The following ERGIC2 variants were observed in gnomAD, a reference collection of about 807,000 sequenced individuals.
The protein encoded by ERGIC2 is endoplasmic reticulum-Golgi intermediate compartment protein 2.
A neutral mutation model predicts 52.5 loss-of-function variants in ERGIC2; 31 were observed. The observed-to-expected ratio is 0.59, with a 90% CI of 0.44 to 0.80. The LOEUF is 0.80. Ranked by LOEUF, ERGIC2 falls within the 30% of genes least tolerant of loss-of-function variation. The pLI, the probability that ERGIC2 is intolerant of heterozygous loss-of-function variation, is 0.00. For missense variants in ERGIC2, 395 were observed against 455.2 expected (o/e 0.87, Z 1.20); for synonymous variants, 129 against 140.6 (o/e 0.92, Z 0.58).
Position 29,341,193 on chromosome 12 carries a change from T to C in ERGIC2, c.1097A>G (p.Asp366Gly). The change falls in exon 14 of 14, where the codon GAC (aspartate) becomes GGC (glycine). Residue 366 changes from aspartate (D) to glycine (G), a missense_variant. Coordinates refer to ENST00000360150, the MANE Select transcript of ERGIC2 (RefSeq NM_016570.3). ...ATTTTCTAAAAGAGGTAAGTGGTTG[T>C]CTGTGTGGCCATCCTCAAAAGGAAC... ...NSVPFEDGHT[D>G]NHLPLLENNT... is the part of the protein sequence containing the mutation. 1 of 1,610,034 alleles carries C rather than the reference T, an allele frequency of 6.2e-7. No homozygotes were observed. Among genetic ancestry groups the C allele is most frequent in the Non-Finnish European group, 8.5e-7 (1 of 1,177,652 alleles).
rs1949835921 is a variant in ERGIC2 at position 29,341,041 on chromosome 12, T to C, written c.*115A>G. 6.6e-6 allele frequency: 5 copies of C among 762,144 alleles called. No individual in the cohort carries two copies. Among genetic ancestry groups the C allele is most frequent in the Non-Finnish European group, 1.1e-5 (5 of 460,818 alleles). The allele number at this position is 762,144 out of a possible 1,614,324, so 47.2% of individuals were successfully genotyped here. On this transcript the variant is annotated 3_prime_UTR_variant, in exon 14 of 14. Coordinates refer to ENST00000360150, the MANE Select transcript of ERGIC2 (RefSeq NM_016570.3). ...CCTTTTTTTTCTTTTTTAAAATAAG[T>C]ATGTTTTCTGCTTATTTGTGTTTTC...
intron 11 of ERGIC2, among the ~76,000 whole-genome samples, chr12:29,344,627 C>T (rs1210356910): frequency 6.6e-6 from 1 of 151,924 alleles, no homozygotes; most frequent in Non-Finnish European, 1.5e-5. Flanking sequence ...AGACACATGA[C>T]ACTTCACCCC....
rs374978512 is a variant in ERGIC2, at chr12:29,350,375, A to G, written c.573-307T>C. ...AAAAGCAAATTTTCACAAACTTTTC[A>G]TTGATATAATAGTAATGAGTCCTTT... On this transcript the variant is annotated intron_variant, in intron 8 of 13. Transcript: ENST00000360150. 8.5e-5 allele frequency among the ~76,000 whole-genome samples: 13 copies of G among 152,216 alleles called. No individual in the cohort carries two copies. In the East Asian group the frequency reaches 2.5e-3, roughly 29 times the overall value.
At chr12:29,345,582 A>G (rs1430416538) in intron 10 of ERGIC2, 42 bp from the exon 11 acceptor site, 5 of 972,194 alleles carry the variant, frequency 5.1e-6, no homozygotes, top group South Asian at 1.3e-5. Context: ...AGTAGCAACA[A>G]AACTACTGCC....
rs1393215274 is a variant in ERGIC2 at position 29,340,768 on chromosome 12, C to T, written c.*388G>A. ...CATATCTTTTAAAAACAAAAGGATG[C>T]GAACATTTGCACTTCTCAATGTTTT... On this transcript the variant is annotated 3_prime_UTR_variant, in exon 14 of 14. Transcript: ENST00000360150. 2.5e-5 allele frequency: 10 copies of T among 406,894 alleles called. No individual in the cohort carries two copies. The highest frequency in any genetic ancestry group is 3.7e-5 in the Admixed American group (1 of 27,260). The allele number at this position is 406,894 out of a possible 1,614,324, so 25.2% of individuals were successfully genotyped here.
chr12:29,373,593 A>C (rs1383852496), intron 1 of ERGIC2, among the ~76,000 whole-genome samples: 2 of 152,228 alleles, frequency 1.3e-5, no homozygotes, highest in African/African-American at 4.8e-5. Flanking sequence ...AGAAGCTCTG[A>C]CCAGGAGCAC....
Position 29,341,231 on chromosome 12 carries a change from G to T in ERGIC2, c.1072-13C>A. On this transcript the variant is annotated splice_polypyrimidine_tract_variant and intron_variant, in intron 13 of 13. Transcript: ENST00000360150. ...CCTCAAAAGGAACCTAAGGAGAAAA[G>T]GAGGGAAAAAAAGACCAAAGAATTA... The T allele has an allele frequency of 6.3e-7, 1 of 1,598,706 alleles. No individual in the cohort carries two copies. The highest frequency in any genetic ancestry group is 2.3e-5 in the East Asian group (1 of 44,218).
At chr12:29,377,445 A>G (rs545907414) in intron 1 of ERGIC2, among the ~76,000 whole-genome samples, 19 of 152,332 alleles carry the variant, frequency 1.2e-4, no homozygotes, top group Admixed American at 3.3e-4. Context: ...TATACTTTAA[A>G]TGATCTTTAG....
intron 5 of ERGIC2, 23 bp downstream of exon 5, chr12:29,366,854 A>G: frequency 6.5e-7 from 1 of 1,533,862 alleles, no homozygotes; most frequent in Non-Finnish European, 8.9e-7. Context: ...TGTATTTCAA[A>G]AAACCATGTG....
intron 11 of ERGIC2, among the ~76,000 whole-genome samples, chr12:29,344,700 T>C (rs1940022494): frequency 6.6e-6 from 1 of 151,980 alleles, no homozygotes; most frequent in South Asian, 2.1e-4. Flanking sequence ...ATTGAGGGCA[T>C]GGTCATCATG....
intron 9 of ERGIC2, 60 bp from the exon 10 acceptor site, chr12:29,349,237 G>A: frequency 1.3e-6 from 1 of 748,198 alleles, no homozygotes. Context: ...AAATTACTTG[G>A]TACAGACTGG....
chr12:29,367,047 C>CAAAAAAAAAAAAAAAAAAAA (rs748343213), intron 4 of ERGIC2, 100 bp from the exon 5 acceptor site: 1 of 239,426 alleles, frequency 4.2e-6, no homozygotes, highest in Non-Finnish European at 7.3e-6. Flanking sequence ...ACTCACCAAG[C>CAAAAAAAAAAAAAAAAAAAA]AAAAAAAAAA....
chr12:29,376,108 T>A (rs1445877269), intron 1 of ERGIC2, among the ~76,000 whole-genome samples: 1 of 152,210 alleles, frequency 6.6e-6, no homozygotes, highest in Non-Finnish European at 1.5e-5. Flanking sequence ...ATCTCTCATG[T>A]TTTGTGCTAT....
At chr12:29,369,331 A>T (rs530274888) in intron 3 of ERGIC2, among the ~76,000 whole-genome samples, 1 of 152,118 alleles carries the variant, frequency 6.6e-6, no homozygotes, top group East Asian at 1.9e-4. Context: ...TGAATAGTAC[A>T]TTAGAGATGA....
intron 8 of ERGIC2, among the ~76,000 whole-genome samples, chr12:29,351,368 T>C (rs2136857775): frequency 6.6e-6 from 1 of 152,300 alleles, no homozygotes; most frequent in South Asian, 2.1e-4. Context: ...TATACCAGAT[T>C]CCACTTTAGG....
intron 8 of ERGIC2, among the ~76,000 whole-genome samples, chr12:29,354,830 G>C (rs1408433394): frequency 1.3e-5 from 2 of 152,158 alleles, no homozygotes; most frequent in Non-Finnish European, 2.9e-5. Flanking sequence ...TTGTGGACTA[G>C]AATATTGTTT....
intron 6 of ERGIC2, among the ~76,000 whole-genome samples, chr12:29,359,280 T>C (rs1437424111): frequency 2.6e-5 from 4 of 151,968 alleles, no homozygotes; most frequent in African/African-American, 7.2e-5. Context: ...CCAGCAGAAA[T>C]GGAAATCTTC....
intron 1 of ERGIC2, chr12:29,380,903 G>A (rs973312893): frequency 6.6e-6 from 1 of 152,272 alleles, no homozygotes; most frequent in East Asian, 1.9e-4. Flanking sequence ...CCTGGCAAAG[G>A]GAAGCTCCCA....
At chr12:29,348,541 GTTAAATAGAACAT>G (rs1243474764) in intron 10 of ERGIC2, among the ~76,000 whole-genome samples, 2 of 151,892 alleles carry the variant, frequency 1.3e-5, no homozygotes, top group Non-Finnish European at 2.9e-5. Context: ...GGAGCAGAAG[GTTAAATAGAACAT>G]TTTAAAAAGG....
Sources: allele counts gnomAD v4.1 joint callset (sites outside exome capture counted in the v4.1 genomes callset), GRCh38; gene constraint gnomAD v4.1.1; transcripts MANE v1.5; gene names NCBI Gene and HGNC (gene_info 2026-07-23, HGNC 2026-07-21).